The following OSBPL3 variants were observed in gnomAD, a reference collection of about 807,000 sequenced individuals.
OSBPL3 encodes oxysterol-binding protein-related protein 3.
A neutral mutation model predicts 120.1 loss-of-function variants in OSBPL3; 65 were observed. That is an observed-to-expected ratio of 0.54 (90% CI 0.44 to 0.67). OSBPL3 has a LOEUF of 0.67. OSBPL3 is among the 30% of genes least tolerant of loss of function. The pLI is 0.00. For missense variants in OSBPL3, 1,004 were observed against 1,082.1 expected (o/e 0.93, Z 1.01); for synonymous variants, 416 against 402.6 (o/e 1.03, Z -0.40).
chr7:24,877,587 C>A lies in OSBPL3; in HGVS notation c.97-5518G>T, dbSNP rs985317396. Among the ~76,000 whole-genome samples the A allele has an allele frequency of 6.6e-6, 1 of 151,838 alleles. No homozygotes were observed. The highest frequency in any genetic ancestry group is 2.4e-5 in the African/African-American group (1 of 41,316). ...ATCCTACTACCTGGGAAATAGGGGC[C>A]GAAATAAATGTTTACTGAATGAGTC... On this transcript the variant is annotated intron_variant, in intron 2 of 22. Transcript: ENST00000313367. This position sits in a 1 kb window ranked among gnomAD's most constrained non-coding sequence, Gnocchi z 4.8.
chr7:24,901,341 G>C (rs1023024889), intron 1 of OSBPL3, among the ~76,000 whole-genome samples: 2 of 148,350 alleles, frequency 1.3e-5, no homozygotes, highest in Non-Finnish European at 3.0e-5. Context: ...GACAGAGCAA[G>C]ACTCCATCTC....
At chr7:24,812,430 A>T (rs553404510) in intron 19 of OSBPL3, among the ~76,000 whole-genome samples, 40 of 152,142 alleles carry the variant, frequency 2.6e-4, no homozygotes, top group Admixed American at 1.4e-3. Context: ...CTTGCACTCT[A>T]TTCTGCTCAG....
intron 1 of OSBPL3, among the ~76,000 whole-genome samples, chr7:24,895,666 A>G (rs996976327): frequency 6.6e-6 from 1 of 152,172 alleles, no homozygotes; most frequent in African/African-American, 2.4e-5. Flanking sequence ...TGGGGTCACC[A>G]GAGAGGAGGC....
At chr7:24,844,324 G>A (rs1209756614) in intron 12 of OSBPL3, among the ~76,000 whole-genome samples, 1 of 152,012 alleles carries the variant, frequency 6.6e-6, no homozygotes, top group Non-Finnish European at 1.5e-5. Context: ...CTTTGAATGT[G>A]GCCCAACACA....
At chr7:24,841,437 A>G (rs1797728211) in intron 13 of OSBPL3, among the ~76,000 whole-genome samples, 1 of 151,802 alleles carries the variant, frequency 6.6e-6, no homozygotes, top group South Asian at 2.1e-4. Context: ...CTGTACTTGA[A>G]AAGAAGTATA....
intron 1 of OSBPL3, among the ~76,000 whole-genome samples, chr7:24,915,578 ATT>A (rs575722030): frequency 2.1e-5 from 3 of 144,284 alleles, no homozygotes; most frequent in Non-Finnish European, 1.5e-5. Context: ...CCAAACATTA[ATT>A]TTTTTTTTTT....
At position 24,820,238 on chromosome 7, in the gene OSBPL3, C is replaced by A. The variant is rs1160697697; in HGVS notation, c.1885G>T (p.Val629Phe). 1.2e-6 allele frequency: 2 copies of A among 1,610,886 alleles called. No homozygotes were observed. Among genetic ancestry groups the A allele is most frequent in the East Asian group, 2.2e-5 (1 of 44,648 alleles). The change falls in exon 17 of 23, where the codon GTC (valine) becomes TTC (phenylalanine). Residue 629 changes from valine to phenylalanine, a missense_variant and splice_region_variant. Transcript: ENST00000313367. This position sits in a 1 kb window ranked among gnomAD's most constrained non-coding sequence, Gnocchi z 4.6. ...DKGFQFFSEQ[V>F]SHHPPISACH... The stretch of plus-strand genomic sequence containing the variant: ...GCAGAGATAGGCGGATGGTGGCTGA[C>A]CTGATGGAAACAAAGGACAGAAAAA...
intron 1 of OSBPL3, among the ~76,000 whole-genome samples, chr7:24,908,697 A>AGCT (rs1314565169): frequency 6.6e-6 from 1 of 152,244 alleles, no homozygotes; most frequent in Non-Finnish European, 1.5e-5. Context: ...AATGGCAAAG[A>AGCT]GCTGCAGGTA....
At position 24,808,255 on chromosome 7, in the gene OSBPL3, G is replaced by A. The variant is rs1452870520; in HGVS notation, c.2318-1353C>T. Among the ~76,000 whole-genome samples the A allele has an allele frequency of 6.6e-6, 1 of 152,112 alleles. No individual in the cohort carries two copies. ...CTCCTTGTAACTAGTCTAATTCTCT[G>A]TGTATCCTAAGCATAAAAATAGTAG... is the stretch of plus-strand genomic sequence containing the variant. On this transcript the variant is annotated intron_variant, in intron 20 of 22. Transcript: ENST00000313367. This position sits in a 1 kb window ranked among gnomAD's most constrained non-coding sequence, Gnocchi z 4.6.
rs1202567642 is a variant in OSBPL3 at position 24,916,344 on chromosome 7, C to G, written c.-149-23723G>C. On this transcript the variant is annotated intron_variant, in intron 1 of 22. Coordinates refer to ENST00000313367, the MANE Select transcript of OSBPL3 (RefSeq NM_015550.4). This position sits in a 1 kb window ranked among gnomAD's most constrained non-coding sequence, Gnocchi z 4.9. ...TTCTGTTCCTCTCTCACAGTATGTA[C>G]AGAGGCATGGCTGAAATAAATGTTA... Among the ~76,000 whole-genome samples, 1 of 152,136 alleles carries G rather than the reference C, an allele frequency of 6.6e-6. No individual in the cohort carries two copies. The highest frequency in any genetic ancestry group is 1.5e-5 in the Non-Finnish European group (1 of 68,028).
Position 24,805,232 on chromosome 7 carries a change from C to A in OSBPL3, c.2445-795G>T, listed in dbSNP as rs978722937. Among the ~76,000 whole-genome samples, 18 of 152,154 alleles carry A rather than the reference C, an allele frequency of 1.2e-4. No homozygotes were observed. The highest frequency in any genetic ancestry group is 6.6e-5 in the Admixed American group (1 of 15,266). The stretch of plus-strand genomic sequence containing the variant: ...CTGAGAGTGCCCTTTTCTCCCATAA[C>A]CTCAAAGTGTATAAAACTTCTGAAT... On this transcript the variant is annotated intron_variant, in intron 21 of 22. Coordinates refer to ENST00000313367, the MANE Select transcript of OSBPL3 (RefSeq NM_015550.4). The surrounding 1 kb of genome is among the most constrained non-coding windows in gnomAD (Gnocchi z 4.0).
intron 16 of OSBPL3, among the ~76,000 whole-genome samples, chr7:24,829,990 A>G (rs1400201184): frequency 6.6e-6 from 1 of 152,204 alleles, no homozygotes; most frequent in African/African-American, 2.4e-5. Flanking sequence ...AAACCACGTG[A>G]GGTACATATA....
At chr7:24,979,299 A>AG (rs1225080524) in intron 1 of OSBPL3, among the ~76,000 whole-genome samples, 1 of 151,768 alleles carries the variant, frequency 6.6e-6, no homozygotes, top group Admixed American at 6.6e-5. Context: ...CAAAAAAAAA[A>AG]AATTCCAGAA....
rs1191532612 is a variant in OSBPL3 at position 24,832,509 on chromosome 7, C to CAAAAAAAAA, written c.1747-1605_1747-1604insTTTTTTTTT. Among the ~76,000 whole-genome samples the CAAAAAAAAA allele has an allele frequency of 2.1e-5, 2 of 96,688 alleles. 1 individual carries two copies. Among genetic ancestry groups the CAAAAAAAAA allele is most frequent in the Non-Finnish European group, 4.2e-5 (2 of 47,592 alleles). 63.4% of individuals were successfully genotyped at this position (96,688 alleles called of 152,430 possible). ...TGGGCGACAGAGAGAGACTCTGCCT[C>CAAAAAAAAA]AAAGAAAAAAAAAAAAAAAAAAGAA... On this transcript the variant is annotated intron_variant, in intron 15 of 22. Transcript: ENST00000313367.
In OSBPL3 at chr7:24,955,419, A is replaced by G. The variant is rs1487675586; in HGVS notation, c.-150+24467T>C. On this transcript the variant is annotated intron_variant, in intron 1 of 22. Transcript: ENST00000313367. The surrounding 1 kb of genome is among the most constrained non-coding windows in gnomAD (Gnocchi z 4.3). ...CTGGGAATACAGTGGTAGACAAGATACATGTTGTTCCTGCTCTCACAGAGC... is the reference window on the plus strand; with the variant it reads ...CTGGGAATACAGTGGTAGACAAGATGCATGTTGTTCCTGCTCTCACAGAGC... Among the ~76,000 whole-genome samples the G allele has an allele frequency of 6.6e-6, 1 of 152,216 alleles. No homozygotes were observed. The highest frequency in any genetic ancestry group is 1.5e-5 in the Non-Finnish European group (1 of 68,034).
chr7:24,872,079 CA>C lies in OSBPL3; in HGVS notation c.97-11del, dbSNP rs1562863360. 2 of 1,525,046 alleles carry C rather than the reference CA, an allele frequency of 1.3e-6. No homozygotes were observed. The highest frequency in any genetic ancestry group is 9.1e-7 in the Non-Finnish European group (1 of 1,099,258). 94.5% of individuals were successfully genotyped at this position (1,525,046 alleles called of 1,614,324 possible). On this transcript the variant is annotated splice_polypyrimidine_tract_variant and intron_variant, in intron 2 of 22. Coordinates refer to ENST00000313367, the MANE Select transcript of OSBPL3 (RefSeq NM_015550.4). The surrounding 1 kb of genome is among the most constrained non-coding windows in gnomAD (Gnocchi z 4.1). Reference sequence around the variant, plus strand: ...CCACTTCCCAGCTGTCCTGTTCCAACAAAAGAGTTCATGTTAAATGTCTATC... The same window carrying C: ...CCACTTCCCAGCTGTCCTGTTCCAACAAAGAGTTCATGTTAAATGTCTATC...
intron 12 of OSBPL3, among the ~76,000 whole-genome samples, chr7:24,845,761 T>C (rs1408306471): frequency 2.0e-5 from 3 of 152,210 alleles, no homozygotes; most frequent in Non-Finnish European, 4.4e-5. Context: ...GATAAATATT[T>C]ACATTAATAT....
rs1392575785 is a variant in OSBPL3 at position 24,863,926 on chromosome 7, A to G, written c.674-327T>C. Among the ~76,000 whole-genome samples, 1 of 152,216 alleles carries G rather than the reference A, an allele frequency of 6.6e-6. No homozygotes were observed. Among genetic ancestry groups the G allele is most frequent in the African/African-American group, 2.4e-5 (1 of 41,452 alleles). On this transcript the variant is annotated intron_variant, in intron 7 of 22. Transcript: ENST00000313367. This position sits in a 1 kb window ranked among gnomAD's most constrained non-coding sequence, Gnocchi z 5.8. ...ACATGACAAGAGAGTTGTGAGAATT[A>G]AATGAGTTGATATTGCACAGTTCTT...
In OSBPL3 at chr7:24,798,333, A is replaced by G. The variant is rs900669082; in HGVS notation, c.*1850T>C. On this transcript the variant is annotated 3_prime_UTR_variant, in exon 23 of 23. Transcript: ENST00000313367. This position sits in a 1 kb window ranked among gnomAD's most constrained non-coding sequence, Gnocchi z 4.6. ...TAACAGCCAATATTACCACGATTCT[A>G]CATTTATCCTCACACTGTGGAAACT... 36 of 152,172 alleles carry G rather than the reference A, an allele frequency of 2.4e-4. No individual in the cohort carries two copies. The highest frequency in any genetic ancestry group is 1.3e-4 in the Admixed American group (2 of 15,280). The allele number at this position is 152,172 out of a possible 1,614,324, so 9.4% of individuals were successfully genotyped here.
Sources: allele counts gnomAD v4.1 joint callset (sites outside exome capture counted in the v4.1 genomes callset), GRCh38; gene constraint gnomAD v4.1.1; non-coding constraint Gnocchi (gnomAD v3.1); transcripts MANE v1.5; gene names NCBI Gene and HGNC (gene_info 2026-07-23, HGNC 2026-07-21).